Variants in RHBDF1 observed in about 807,000 individuals in gnomAD.
The protein encoded by RHBDF1 is inactive rhomboid protein 1.
In RHBDF1, 80 loss-of-function variants were observed where a neutral mutation model predicts 98.6. The observed-to-expected ratio is 0.81, with a 90% CI of 0.68 to 0.98. The LOEUF (loss-of-function observed/expected upper bound fraction) is 0.98, where lower values mean the gene tolerates loss of function less well. RHBDF1 is among the 50% of genes least tolerant of loss of function. RHBDF1 has a pLI of 0.00. For missense variants in RHBDF1, 1,116 were observed against 1,198.3 expected (o/e 0.93, Z 1.01); for synonymous variants, 512 against 486.8 (o/e 1.05, Z -0.68).
chr16:74,072 G>T, upstream of RHBDF1: 1 of 415,870 alleles, frequency 2.4e-6, no homozygotes, highest in Non-Finnish European at 3.2e-6. Flanking sequence ...TTTGGAGGGG[G>T]TGGAGGGTAA....
chr16:66,804 G>A (rs1302438963), intron 1 of RHBDF1, among the ~76,000 whole-genome samples: 4 of 152,168 alleles, frequency 2.6e-5, no homozygotes, highest in African/African-American at 9.7e-5. Flanking sequence ...AGGGGCACGA[G>A]CCAAGGGCAG....
chr16:65,340 G>A (rs1033620053), intron 1 of RHBDF1, among the ~76,000 whole-genome samples: 5 of 152,246 alleles, frequency 3.3e-5, no homozygotes, highest in Non-Finnish European at 7.3e-5. Context: ...GTGGAGAAAC[G>A]AGACAAAATC....
At chr16:59,594 C>A in intron 14 of RHBDF1, 100 bp from the exon 15 acceptor site, 1 of 1,472,238 alleles carries the variant, frequency 6.8e-7, no homozygotes, top group Non-Finnish European at 9.3e-7. Context: ...TTTGTTGGCC[C>A]CAAGGAAGTC....
At chr16:75,147 C>T (rs938035155), upstream of RHBDF1, among the ~76,000 whole-genome samples, 1 of 152,166 alleles carries the variant, frequency 6.6e-6, no homozygotes, top group Non-Finnish European at 1.5e-5. Flanking sequence ...ACCCAGCTCC[C>T]GGCCCCTCTC....
chr16:59,305 G>A lies in RHBDF1; in HGVS notation c.1938C>T (p.Asn646=), dbSNP rs201770137. Residue 646 remains asparagine, a synonymous_variant, in exon 16 of 18, where the codon AAC becomes AAT. Coordinates refer to ENST00000262316, the MANE Select transcript of RHBDF1 (RefSeq NM_022450.5). ...GGTAGAACTGGTCAGGCACCTCGGG[G>A]TTGAGAAAAGGCAGGAGCCCACACA... is the stretch of plus-strand genomic sequence containing the variant. ...DDVCGLLPFL[N]PEVPDQFYRL... 4 of 1,611,952 alleles carry A rather than the reference G, an allele frequency of 2.5e-6. No homozygotes were observed. The highest frequency in any genetic ancestry group is 2.5e-6 in the Non-Finnish European group (3 of 1,178,910).
Position 61,685 on chromosome 16 carries a change from G to A in RHBDF1, c.1220C>T (p.Thr407Ile). 1 of 1,613,492 alleles carries A rather than the reference G, an allele frequency of 6.2e-7. No individual in the cohort carries two copies. Among genetic ancestry groups the A allele is most frequent in the Non-Finnish European group, 8.5e-7 (1 of 1,179,910 alleles). The change falls in exon 9 of 18, where the codon ACC (threonine) becomes ATC (isoleucine). Residue 407 changes from threonine (T) to isoleucine (I), a missense_variant. By Grantham distance (89) the Thr-to-Ile change is moderately conservative. Transcript: ENST00000262316. ...EDMDDHRPFF[T>I]YWLTFVHSLV... Reference sequence around the variant, plus strand: ...CGAGTGCACGAAGGTAAGCCAGTAGGTGAAGAAGGGCCTGCGGGGTGGAGC... The same window carrying A: ...CGAGTGCACGAAGGTAAGCCAGTAGATGAAGAAGGGCCTGCGGGGTGGAGC...
intron 1 of RHBDF1, among the ~76,000 whole-genome samples, chr16:70,749 A>C (rs1897948355): frequency 1.3e-5 from 2 of 152,200 alleles, no homozygotes; most frequent in African/African-American, 4.8e-5. Context: ...CTGCAGTGGA[A>C]GGGACCCTGT....
In RHBDF1 at chr16:62,778, G is replaced by T; in HGVS notation, c.792C>A (p.Ala264=). The T allele has an allele frequency of 6.2e-7, 1 of 1,614,070 alleles. No individual in the cohort carries two copies. The highest frequency in any genetic ancestry group is 8.5e-7 in the Non-Finnish European group (1 of 1,180,028). Residue 264 remains alanine (A), a synonymous_variant, in exon 6 of 18, where the codon GCC becomes GCA. Transcript: ENST00000262316. Reference sequence around the variant, plus strand: ...GGACACCCCGGGCACTTCTTACCCGGGCAAAGAAGGATGTGTCCAGCTCAT... The same window carrying T: ...GGACACCCCGGGCACTTCTTACCCGTGCAAAGAAGGATGTGTCCAGCTCAT... ...FPDELDTSFF[A]REGILHEELS...
At position 59,185 on chromosome 16, in the gene RHBDF1, C is replaced by A. The variant is rs1897504024; in HGVS notation, c.1995-58G>T. On this transcript the variant is annotated intron_variant, in intron 16 of 17. Coordinates refer to ENST00000262316, the MANE Select transcript of RHBDF1 (RefSeq NM_022450.5). ...ATTCAGCAGGGAAGTGACCTTTCTGCCACCCCCAGCCAGCCAATCCTGAGG... is the reference window on the plus strand; with the variant it reads ...ATTCAGCAGGGAAGTGACCTTTCTGACACCCCCAGCCAGCCAATCCTGAGG... The A allele has an allele frequency of 1.1e-5, 18 of 1,593,200 alleles. No individual in the cohort carries two copies. The South Asian group carries it at 1.9e-4, about 17-fold the overall frequency.
chr16:71,955 G>A (rs1207448419), intron 1 of RHBDF1, among the ~76,000 whole-genome samples: 1 of 152,238 alleles, frequency 6.6e-6, no homozygotes, highest in African/African-American at 2.4e-5. Context: ...GGGGGAGTCA[G>A]TGTCGTGGGG....
chr16:73,187 C>T (rs183682580), upstream of RHBDF1, among the ~76,000 whole-genome samples: 248 of 152,278 alleles, frequency 1.6e-3, no homozygotes, highest in African/African-American at 5.5e-3. Flanking sequence ...TCACATGCAC[C>T]CACCTACTCA....
chr16:61,066 T>G, intron 11 of RHBDF1, 54 bp downstream of exon 11: 1 of 1,496,984 alleles, frequency 6.7e-7, no homozygotes, highest in African/African-American at 1.4e-5. Context: ...ATCTGAGGTC[T>G]GAAGAGCGAA....
intron 1 of RHBDF1, among the ~76,000 whole-genome samples, chr16:70,795 G>A (rs1361663498): frequency 1.3e-5 from 2 of 152,218 alleles, no homozygotes; most frequent in African/African-American, 4.8e-5. Context: ...GACCACCTGG[G>A]TTCTTCAGCC....
At chr16:68,673 G>A (rs940790904) in intron 1 of RHBDF1, among the ~76,000 whole-genome samples, 1 of 152,176 alleles carries the variant, frequency 6.6e-6, no homozygotes, top group Non-Finnish European at 1.5e-5. Flanking sequence ...GGGGCTGCGG[G>A]CAGGACTCTC....
intron 3 of RHBDF1, chr16:64,186 A>AC: frequency 8.4e-7 from 1 of 1,194,746 alleles, no homozygotes; most frequent in Non-Finnish European, 1.1e-6. Flanking sequence ...CAGGCTGTCC[A>AC]CAGCACTTGG....
In RHBDF1 at chr16:58,562, G is replaced by A; in HGVS notation, c.2346C>T (p.Leu782=). Residue 782 remains leucine (L), a synonymous_variant, in exon 18 of 18, where the codon CTC becomes CTT. Coordinates refer to ENST00000262316, the MANE Select transcript of RHBDF1 (RefSeq NM_022450.5). ...HISGFISGLF[L]SFAFLPYISF... is the part of the protein sequence containing the mutation. ...TGATGTAGGGCAAGAAGGCGAAGGA[G>A]AGGAAGAGGCCACTGATGAACCCTG... 1 of 1,613,964 alleles carries A rather than the reference G, an allele frequency of 6.2e-7. No homozygotes were observed. The highest frequency in any genetic ancestry group is 8.5e-7 in the Non-Finnish European group (1 of 1,179,982).
At chr16:62,952 G>T (rs762440046) in intron 5 of RHBDF1, 21 bp downstream of exon 5, 2 of 1,612,156 alleles carry the variant, frequency 1.2e-6, no homozygotes, top group Admixed American at 3.3e-5. Context: ...CCCCAACCCC[G>T]CCTTTGGCCC....
chr16:67,258 C>T (rs566614338), intron 1 of RHBDF1, among the ~76,000 whole-genome samples: 1 of 152,332 alleles, frequency 6.6e-6, no homozygotes, highest in Admixed American at 6.5e-5. Flanking sequence ...ACACTCCCAG[C>T]ATGTTCTCAC....
chr16:58,608 A>G lies in RHBDF1; in HGVS notation c.2300T>C (p.Ile767Thr). 1.2e-6 allele frequency: 2 copies of G among 1,613,728 alleles called. No homozygotes were observed. Among genetic ancestry groups the G allele is most frequent in the Non-Finnish European group, 1.7e-6 (2 of 1,179,994 alleles). ...FLFTFGLLPW[I>T]DNFAHISGFI... The stretch of plus-strand genomic sequence containing the variant: ...CCCTGAGATGTGGGCAAAGTTGTCA[A>G]TCCACGGCAGCAGCCCAAAGGTGAA... Residue 767 changes from isoleucine (I) to threonine (T), a missense_variant, in exon 18 of 18, where the codon ATT becomes ACT. Coordinates refer to ENST00000262316, the MANE Select transcript of RHBDF1 (RefSeq NM_022450.5).
Sources: allele counts gnomAD v4.1 joint callset (sites outside exome capture counted in the v4.1 genomes callset), GRCh38; gene constraint gnomAD v4.1.1; transcripts MANE v1.5; gene names NCBI Gene and HGNC (gene_info 2026-07-23, HGNC 2026-07-21).